Variants in GP6 observed in about 807,000 individuals in gnomAD.
GP6 encodes the protein glycoprotein VI platelet, also known as platelet glycoprotein VI.
A neutral mutation model predicts 37.3 loss-of-function variants in GP6; 45 were observed. The observed-to-expected ratio is 1.21, with a 90% CI of 0.95 to 1.55. The LOEUF is 1.55. Among genes scored for constraint, GP6 ranks in the 40% most tolerant of loss-of-function variants. The probability of loss-of-function intolerance (pLI) is 0.00; values close to 1 mark genes in which losing one functional copy is unlikely to be tolerated. For missense variants in GP6, 813 were observed against 760.2 expected, an observed-to-expected ratio of 1.07 and a Z score of -0.82; for synonymous variants, 340 against 316.4, an observed-to-expected ratio of 1.07 and a Z score of -0.79.
chr19:55,017,993 G>A (rs1220299587), intron 6 of GP6, among the ~76,000 whole-genome samples: 4 of 151,968 alleles, frequency 2.6e-5, no homozygotes, highest in Admixed American at 6.6e-5. Context: ...GCTTGAACCC[G>A]GGCAGCAGAG....
chr19:55,029,710 C>T (rs1007051726), intron 3 of GP6, among the ~76,000 whole-genome samples: 1 of 108,278 alleles, frequency 9.2e-6, no homozygotes, highest in Non-Finnish European at 2.0e-5. Flanking sequence ...AATAGACAAC[C>T]ACCACCAAGA....
intron 5 of GP6, among the ~76,000 whole-genome samples, chr19:55,019,684 T>TTC (rs1210144597): frequency 4.0e-5 from 6 of 148,700 alleles, no homozygotes; most frequent in African/African-American, 9.9e-5. Context: ...TTTTCTTTTT[T>TTC]TTTTTTTTTT....
At position 55,015,779 on chromosome 19, in the gene GP6, G is replaced by GC. The variant is rs751875305; in HGVS notation, c.725-47dup. ...AAGTGTGAAATGAAACCATATTCCC[G>GC]CCCCCTGTCACTGTGCCTACTCCGA... On this transcript the variant is annotated intron_variant, in intron 6 of 7. Coordinates refer to ENST00000310373, the MANE Select transcript of GP6 (RefSeq NM_001083899.2). The GC allele has an allele frequency of 4.9e-5, 49 of 1,007,016 alleles. No homozygotes were observed. The African/African-American group carries it at 7.0e-4, about 14-fold the overall frequency. 62.4% of individuals were successfully genotyped at this position (1,007,016 alleles called of 1,614,324 possible). A position where few individuals can be genotyped will look rare whatever the true frequency, so the allele number is the denominator to read the frequency against.
chr19:55,027,427 C>T (rs2146816804), intron 4 of GP6, 151 bp downstream of exon 4: 4 of 586,094 alleles, frequency 6.8e-6, no homozygotes, highest in Admixed American at 3.1e-5. Context: ...GGGCTTCCTG[C>T]CCTCCCACTT....
At chr19:55,025,147 CAG>C (rs1186819612) in intron 5 of GP6, 69 bp downstream of exon 5, 3 of 810,312 alleles carry the variant, frequency 3.7e-6, no homozygotes, top group African/African-American at 3.4e-5. Flanking sequence ...GAAGTCTAGG[CAG>C]AGAGGAGAGA....
Position 55,024,961 on chromosome 19 carries a change from C to T in GP6, c.664+257G>A, listed in dbSNP as rs192295424. Among the ~76,000 whole-genome samples, 70 of 152,290 alleles carry T rather than the reference C, an allele frequency of 4.6e-4. No individual in the cohort carries two copies. The East Asian group carries it at 0.013, about 29-fold the overall frequency. The stretch of plus-strand genomic sequence containing the variant: ...CAACCAGCTGGACTCCACAGTATAG[C>T]AAGCCACTCCGATTATTCTTCTGCA... On this transcript the variant is annotated intron_variant, in intron 5 of 7. Transcript: ENST00000310373.
chr19:55,024,157 A>T (rs534066228), intron 5 of GP6, among the ~76,000 whole-genome samples: 16 of 152,328 alleles, frequency 1.1e-4, no homozygotes, highest in African/African-American at 3.9e-4. Flanking sequence ...AGGAAACTGG[A>T]AAAAGAGCAC....
intron 4 of GP6, among the ~76,000 whole-genome samples, chr19:55,025,696 A>ACT: frequency 1.4e-5 from 2 of 146,386 alleles, no homozygotes; most frequent in South Asian, 2.2e-4. Context: ...ACGCAGTAAG[A>ACT]CTCCATCTGA....
chr19:55,024,607 TTG>T (rs2074235600), intron 5 of GP6, among the ~76,000 whole-genome samples: 1 of 152,136 alleles, frequency 6.6e-6, no homozygotes. Context: ...GCTGAGATGT[TTG>T]TGAAAGTGGA....
intron 4 of GP6, 95 bp downstream of exon 4, chr19:55,027,483 C>T (rs2074348125): frequency 3.1e-6 from 3 of 970,136 alleles, no homozygotes; most frequent in Non-Finnish European, 4.9e-6. Context: ...GCTTCCTGCC[C>T]TCCCACTTCC....
At chr19:55,031,525 C>G (rs1313325815) in intron 3 of GP6, among the ~76,000 whole-genome samples, 1 of 152,228 alleles carries the variant, frequency 6.6e-6, no homozygotes, top group Non-Finnish European at 1.5e-5. Flanking sequence ...TATGACTTGA[C>G]ACAGGCACTG....
rs76343637 is a variant in GP6, at chr19:55,030,362, T to C, written c.325+1777A>G. Among the ~76,000 whole-genome samples the C allele has an allele frequency of 6.2e-3, 928 of 150,292 alleles. 12 individuals are homozygous for C. Among genetic ancestry groups the C allele is most frequent in the African/African-American group, 0.02 (803 of 41,028 alleles). ...AAGACCTCTTCTCTTTTTTTTTTTT[T>C]CCCAAGACGGAGTCTTGCTCTGTCG... On this transcript the variant is annotated intron_variant, in intron 3 of 7. Coordinates refer to ENST00000310373, the MANE Select transcript of GP6 (RefSeq NM_001083899.2).
At chr19:55,027,955 CT>C (rs1346688775) in intron 3 of GP6, 93 bp from the exon 4 acceptor site, 2 of 1,317,954 alleles carry the variant, frequency 1.5e-6, no homozygotes, top group African/African-American at 1.4e-5. Context: ...AGCTGGGGAG[CT>C]TTTTGGCTGT....
Position 55,038,191 on chromosome 19 carries a change from C to A in GP6, c.34+12G>T. The stretch of plus-strand genomic sequence containing the variant: ...CCTTCAGCATTTCCCAGATCTGACC[C>A]TCAGGACTCACCAAGACAGAAGAGG... On this transcript the variant is annotated intron_variant, in intron 1 of 7. Transcript: ENST00000310373. The A allele has an allele frequency of 1.3e-6, 2 of 1,585,190 alleles. No homozygotes were observed. The highest frequency in any genetic ancestry group is 1.7e-6 in the Non-Finnish European group (2 of 1,162,812).
At chr19:55,019,107 CT>C (rs538058206) in intron 5 of GP6, among the ~76,000 whole-genome samples, 3,068 of 132,832 alleles carry the variant, frequency 0.023, 93 homozygotes, top group African/African-American at 0.079. Context: ...TCTTTTTTTT[CT>C]TTTTTTTTTT....
intron 3 of GP6, among the ~76,000 whole-genome samples, chr19:55,031,748 A>C (rs778448185): frequency 6.6e-5 from 10 of 151,686 alleles, no homozygotes; most frequent in African/African-American, 2.4e-4. Context: ...GCGAGACCCT[A>C]TCTCTCTCTC....
At chr19:55,032,817 G>C (rs1007575995) in intron 1 of GP6, 3 of 603,364 alleles carry the variant, frequency 5.0e-6, no homozygotes, top group Non-Finnish European at 8.9e-6. Flanking sequence ...GGAGGGCAAG[G>C]CATGGTGGCG....
rs764106486 is a variant in GP6 at position 55,032,408 on chromosome 19, G to A, written c.68-12C>T. On this transcript the variant is annotated splice_polypyrimidine_tract_variant and intron_variant, in intron 2 of 7. Transcript: ENST00000310373. Reference sequence around the variant, plus strand: ...CTTGGGGAGCGGTCCTGGAAGAGGAGCAGGGCTGGGTCAGCCTCCCCGCAG... The same window carrying A: ...CTTGGGGAGCGGTCCTGGAAGAGGAACAGGGCTGGGTCAGCCTCCCCGCAG... 14 of 1,611,968 alleles carry A rather than the reference G, an allele frequency of 8.7e-6. No individual in the cohort carries two copies. Among genetic ancestry groups the A allele is most frequent in the Admixed American group, 1.7e-5 (1 of 59,680 alleles).
rs529385428 is a variant in GP6, at chr19:55,020,776, C to T, written c.665-2065G>A. Among the ~76,000 whole-genome samples, 5 of 152,104 alleles carry T rather than the reference C, an allele frequency of 3.3e-5. No individual in the cohort carries two copies. In the East Asian group the frequency reaches 5.8e-4, roughly 18 times the overall value. The stretch of plus-strand genomic sequence containing the variant: ...GGGTCAAATGGTATTTCTGGCCAGG[C>T]GCAGTGGCTCACACATGTAATCCCA... On this transcript the variant is annotated intron_variant, in intron 5 of 7. Transcript: ENST00000310373.
Sources: allele counts gnomAD v4.1 joint callset (sites outside exome capture counted in the v4.1 genomes callset), GRCh38; gene constraint gnomAD v4.1.1; transcripts MANE v1.5; gene names NCBI Gene and HGNC (gene_info 2026-07-23, HGNC 2026-07-21).